Variants in XPO4 observed in about 807,000 individuals in gnomAD.
XPO4 encodes the protein exportin-4.
XPO4 carries 39 observed loss-of-function variants against 143.0 expected under a neutral mutation model. That is an observed-to-expected ratio of 0.27 (90% CI 0.21 to 0.36). The LOEUF (loss-of-function observed/expected upper bound fraction) is 0.36. Ranked by LOEUF, XPO4 falls within the 10% of genes least tolerant of loss-of-function variation. The pLI, the probability that XPO4 is intolerant of heterozygous loss-of-function variation, is 1.00. For missense variants in XPO4, 907 were observed against 1,348.0 expected (o/e 0.67, Z 5.12); for synonymous variants, 439 against 474.0 (o/e 0.93, Z 0.96).
rs117379161 is a variant in XPO4, at chr13:20,838,070, C to T, written c.727+4825G>A. Among the ~76,000 whole-genome samples, 33 of 152,184 alleles carry T rather than the reference C, an allele frequency of 2.2e-4. No individual in the cohort carries two copies. In the East Asian group the frequency reaches 5.3e-3, roughly 24 times the overall value. On this transcript the variant is annotated intron_variant, in intron 6 of 22. Transcript: ENST00000255305. ...CTGGGATTAAAAGCGTGAGCCACTG[C>T]GCCCAGCCAAGTTATGATTTCATTA...
intron 9 of XPO4, among the ~76,000 whole-genome samples, chr13:20,812,834 AAATTATTCCATATTTTAAATACAG>A (rs574083491): frequency 2.0e-3 from 308 of 152,330 alleles, no homozygotes; most frequent in African/African-American, 6.9e-3. Context: ...TGTAAACCTA[AAATTATTCCATATTTTAAATACAG>A]AATTATTCCA....
chr13:20,802,233 A>G (rs182492332), intron 13 of XPO4, among the ~76,000 whole-genome samples: 1 of 151,814 alleles, frequency 6.6e-6, no homozygotes, highest in Non-Finnish European at 1.5e-5. Flanking sequence ...GATTTAAAAA[A>G]TTTTTGTAAA....
At chr13:20,787,675 T>A in intron 20 of XPO4, 77 bp from the exon 21 acceptor site, 1 of 1,170,350 alleles carries the variant, frequency 8.5e-7, no homozygotes. Context: ...TAGCTAGTAT[T>A]AAATGGATGA....
intron 3 of XPO4, chr13:20,856,334 T>C: frequency 2.0e-6 from 2 of 985,274 alleles, no homozygotes; most frequent in Non-Finnish European, 2.4e-6. Flanking sequence ...CACACAAACA[T>C]TCAAAATGTT....
chr13:20,858,675 G>T (rs1010207641), intron 3 of XPO4, among the ~76,000 whole-genome samples: 1 of 151,942 alleles, frequency 6.6e-6, no homozygotes, highest in Non-Finnish European at 1.5e-5. Context: ...TTCGAGACCA[G>T]CCTGGCCAAA....
intron 4 of XPO4, chr13:20,849,397 T>C: frequency 1.0e-6 from 1 of 984,900 alleles, no homozygotes; most frequent in Non-Finnish European, 1.2e-6. Flanking sequence ...AGCTTTAAAG[T>C]GATTTAACGT....
chr13:20,861,464 T>C (rs543755385), intron 3 of XPO4, among the ~76,000 whole-genome samples: 1 of 151,884 alleles, frequency 6.6e-6, no homozygotes, highest in Non-Finnish European at 1.5e-5. Context: ...CCCGACTAAT[T>C]TTTGTATTTT....
At chr13:20,842,871 A>C in intron 6 of XPO4, 24 bp downstream of exon 6, 1 of 1,578,274 alleles carries the variant, frequency 6.3e-7, no homozygotes, top group Non-Finnish European at 8.7e-7. Flanking sequence ...CCACAGATAA[A>C]CTATTCATTT....
intron 13 of XPO4, among the ~76,000 whole-genome samples, chr13:20,806,344 GT>G (rs1490459262): frequency 6.6e-6 from 1 of 152,068 alleles, no homozygotes; most frequent in Non-Finnish European, 1.5e-5. Flanking sequence ...TCTATTGCAT[GT>G]TTAAATGATA....
At chr13:20,896,749 G>A (rs1595173986) in intron 1 of XPO4, among the ~76,000 whole-genome samples, 1 of 152,062 alleles carries the variant, frequency 6.6e-6, no homozygotes, top group South Asian at 2.1e-4. Flanking sequence ...AGACCCTCCA[G>A]AAGGTATTAA....
chr13:20,815,106 T>C (rs2059632521), intron 9 of XPO4, among the ~76,000 whole-genome samples: 1 of 152,174 alleles, frequency 6.6e-6, no homozygotes, highest in African/African-American at 2.4e-5. Context: ...CACGACATTC[T>C]AGAAAAGGCA....
chr13:20,876,409 G>A (rs143355679), intron 1 of XPO4, among the ~76,000 whole-genome samples: 35 of 151,852 alleles, frequency 2.3e-4, no homozygotes, highest in African/African-American at 7.2e-4. Context: ...ACAAACCTAT[G>A]ACATATGACA....
At chr13:20,850,879 G>C in intron 4 of XPO4, 1 of 985,334 alleles carries the variant, frequency 1.0e-6, no homozygotes, top group Non-Finnish European at 1.2e-6. Context: ...TTCTAGAAGA[G>C]GTGTGAGGGG....
intron 5 of XPO4, among the ~76,000 whole-genome samples, 180 bp downstream of exon 5, chr13:20,843,590 A>G (rs540362037): frequency 1.4e-4 from 22 of 152,354 alleles, no homozygotes; most frequent in African/African-American, 4.8e-4. Flanking sequence ...GTAATTTTAA[A>G]CCATCAACTA....
At chr13:20,801,838 A>T (rs2059437803) in intron 13 of XPO4, among the ~76,000 whole-genome samples, 1 of 152,104 alleles carries the variant, frequency 6.6e-6, no homozygotes, top group African/African-American at 2.4e-5. Flanking sequence ...GCCTGAAATG[A>T]TCTCATCATG....
intron 9 of XPO4, among the ~76,000 whole-genome samples, chr13:20,820,812 G>A (rs1023535974): frequency 6.6e-6 from 1 of 152,076 alleles, no homozygotes; most frequent in East Asian, 1.9e-4. Context: ...GAAGGGATAC[G>A]AAAAAACTCA....
intron 1 of XPO4, among the ~76,000 whole-genome samples, chr13:20,894,774 G>T (rs954653900): frequency 6.6e-6 from 1 of 151,968 alleles, no homozygotes; most frequent in South Asian, 2.1e-4. Flanking sequence ...AACCCAGGAG[G>T]TGTAGGTTGC....
intron 1 of XPO4, among the ~76,000 whole-genome samples, chr13:20,876,549 T>C (rs2060355481): frequency 6.6e-6 from 1 of 152,102 alleles, no homozygotes; most frequent in Admixed American, 6.6e-5. Flanking sequence ...CAGGTGAACT[T>C]AAGATTTAAA....
At chr13:20,874,851 G>A (rs2060336770) in intron 1 of XPO4, among the ~76,000 whole-genome samples, 1 of 152,090 alleles carries the variant, frequency 6.6e-6, no homozygotes, top group Admixed American at 6.5e-5. Context: ...AAATTAGCCG[G>A]GCATGATGGC....
Sources: allele counts gnomAD v4.1 joint callset (sites outside exome capture counted in the v4.1 genomes callset), GRCh38; gene constraint gnomAD v4.1.1; transcripts MANE v1.5; gene names NCBI Gene and HGNC (gene_info 2026-07-23, HGNC 2026-07-21).